Variants in PTBP3 observed in about 807,000 individuals in gnomAD.
PTBP3 encodes polypyrimidine tract binding protein 3, also known as polypyrimidine tract-binding protein 3.
Under a neutral mutation model 58.7 loss-of-function variants are expected in PTBP3, and 20 were observed. The observed-to-expected ratio is 0.34, with a 90% CI of 0.24 to 0.50. The LOEUF is 0.50. PTBP3 is among the 20% of genes least tolerant of loss of function. The pLI is 0.98. For missense variants in PTBP3, 509 were observed against 637.2 expected (o/e 0.80, Z 2.17); for synonymous variants, 185 against 219.8 (o/e 0.84, Z 1.40).
the PTBP3 span, among the ~76,000 whole-genome samples, chr9:112,371,951 C>T: frequency 6.6e-6 from 1 of 152,040 alleles, no homozygotes; most frequent in Non-Finnish European, 1.5e-5. Flanking sequence ...TGTTCTGTTG[C>T]TTGACCTGGT....
intron 1 of PTBP3, among the ~76,000 whole-genome samples, chr9:112,309,369 T>C (rs1237944240): frequency 6.6e-6 from 1 of 152,186 alleles, no homozygotes; most frequent in African/African-American, 2.4e-5. Context: ...TGATATGGAG[T>C]TTCACTATAC....
intron 2 of PTBP3, among the ~76,000 whole-genome samples, chr9:112,292,248 G>A (rs1304477172): frequency 1.3e-5 from 2 of 152,120 alleles, no homozygotes; most frequent in Non-Finnish European, 2.9e-5. Context: ...TGTTAGGATG[G>A]CCATTATTTG....
At chr9:112,307,933 A>G (rs1829295135) in intron 1 of PTBP3, among the ~76,000 whole-genome samples, 1 of 152,240 alleles carries the variant, frequency 6.6e-6, no homozygotes, top group Non-Finnish European at 1.5e-5. Context: ...TTCTTAAAAC[A>G]TTAAGATATT....
intron 12 of PTBP3, 86 bp downstream of exon 12, chr9:112,227,325 A>C: frequency 7.0e-7 from 1 of 1,428,858 alleles, no homozygotes; most frequent in South Asian, 1.2e-5. Flanking sequence ...CTAGGTTAGA[A>C]CAATTTCAGA....
chr9:112,223,520 T>TTGGG lies in PTBP3; in HGVS notation c.*330_*331insCCCA, dbSNP rs201604306. 5.5e-3 allele frequency: 5,247 copies of TTGGG among 955,036 alleles called. 65 individuals are homozygous for TTGGG. The highest frequency in any genetic ancestry group is 0.043 in the Admixed American group (854 of 19,694). 59.2% of individuals were successfully genotyped at this position (955,036 alleles called of 1,614,324 possible). A position where few individuals can be genotyped will look rare whatever the true frequency, so the allele number is the denominator to read the frequency against. On this transcript the variant is annotated 3_prime_UTR_variant, in exon 14 of 14. Coordinates refer to ENST00000374257, the MANE Select transcript of PTBP3 (RefSeq NM_001163788.4). ...GTTTAGAAATGTTGTATAAGGCTGATCTGGACCCAAACTAAAACAACGTTA... is the reference window on the plus strand; with the variant it reads ...GTTTAGAAATGTTGTATAAGGCTGATTGGGCTGGACCCAAACTAAAACAACGTTA...
chr9:112,302,453 A>G (rs2132336052), intron 1 of PTBP3, among the ~76,000 whole-genome samples: 1 of 152,288 alleles, frequency 6.6e-6, no homozygotes, highest in East Asian at 1.9e-4. Context: ...GAAAGAAGAA[A>G]TGTACAGGAA....
chr9:112,289,610 G>C (rs1400190421), intron 2 of PTBP3, among the ~76,000 whole-genome samples: 1 of 152,096 alleles, frequency 6.6e-6, no homozygotes, highest in Admixed American at 6.6e-5. Flanking sequence ...GGGAGACCCA[G>C]ACTCTACAAA....
chr9:112,332,983 G>C, intron 1 of PTBP3: 2 of 1,321,950 alleles, frequency 1.5e-6, no homozygotes, highest in Non-Finnish European at 1.9e-6. Flanking sequence ...CCGCCCAGAC[G>C]TGTACCGACG....
chr9:112,272,878 T>A (rs1376333657), intron 3 of PTBP3: 1 of 152,230 alleles, frequency 6.6e-6, no homozygotes, highest in Non-Finnish European at 1.5e-5. Context: ...TTTCAACTTA[T>A]GTATAAAACA....
Position 112,228,396 on chromosome 9 carries a change from T to G in PTBP3, c.1131A>C (p.Ala377=), listed in dbSNP as rs771639338. ...CATTAGTACCTAGCTGAGCTTGATT[T>G]GCATCCGCCATCTGAACCAAGGCAT... is the stretch of plus-strand genomic sequence containing the variant. ...KENALVQMAD[A]NQAQLAMNHL... Residue 377 remains alanine (A), a synonymous_variant, in exon 11 of 14, where the codon GCA becomes GCC. Coordinates refer to ENST00000374257, the MANE Select transcript of PTBP3 (RefSeq NM_001163788.4). 1 of 1,605,588 alleles carries G rather than the reference T, an allele frequency of 6.2e-7. No homozygotes were observed. The highest frequency in any genetic ancestry group is 8.5e-7 in the Non-Finnish European group (1 of 1,177,240).
the PTBP3 span, among the ~76,000 whole-genome samples, chr9:112,355,092 C>A: frequency 6.6e-6 from 1 of 152,000 alleles, no homozygotes; most frequent in African/African-American, 2.4e-5. Flanking sequence ...CCACACCCAC[C>A]GTGGATTTTC....
intron 9 of PTBP3, 26 bp downstream of exon 9, chr9:112,232,073 T>C: frequency 6.4e-7 from 1 of 1,567,758 alleles, no homozygotes; most frequent in Non-Finnish European, 8.6e-7. Flanking sequence ...TGAAAGACTA[T>C]TTACATATAA....
intron 5 of PTBP3, among the ~76,000 whole-genome samples, chr9:112,256,186 G>A (rs112414410): frequency 0.045 from 6,713 of 150,352 alleles, 273 homozygotes; most frequent in African/African-American, 0.095. Context: ...TCTGGGAGGT[G>A]GAGGTTGCAG....
chr9:112,358,810 A>G, the PTBP3 span, among the ~76,000 whole-genome samples: 1 of 152,156 alleles, frequency 6.6e-6, no homozygotes, highest in Admixed American at 6.5e-5. Context: ...TTTGGAGTAC[A>G]TTCACAAAAA....
chr9:112,294,681 A>G (rs1828591564), intron 2 of PTBP3, among the ~76,000 whole-genome samples: 1 of 152,252 alleles, frequency 6.6e-6, no homozygotes, highest in African/African-American at 2.4e-5. Flanking sequence ...ACAAGTTAAC[A>G]AAACAATCCA....
At chr9:112,300,839 G>T in intron 1 of PTBP3, among the ~76,000 whole-genome samples, 1 of 152,056 alleles carries the variant, frequency 6.6e-6, no homozygotes, top group Non-Finnish European at 1.5e-5. Context: ...GCTCACACCT[G>T]TATTCCCAGC....
the PTBP3 span, among the ~76,000 whole-genome samples, chr9:112,368,142 G>A: frequency 6.6e-5 from 10 of 152,216 alleles, no homozygotes; most frequent in African/African-American, 1.9e-4. Flanking sequence ...CTACAGGCAT[G>A]CACCACCATG....
upstream of PTBP3, among the ~76,000 whole-genome samples, chr9:112,334,804 A>G (rs1365333098): frequency 6.6e-6 from 1 of 152,228 alleles, no homozygotes; most frequent in African/African-American, 2.4e-5. Flanking sequence ...CAAGAAAATC[A>G]GGTTCCAGCC....
intron 1 of PTBP3, among the ~76,000 whole-genome samples, chr9:112,308,365 A>C (rs1426806799): frequency 8.6e-5 from 13 of 151,714 alleles, no homozygotes; most frequent in Admixed American, 2.0e-4. Flanking sequence ...AAAAAAAAAA[A>C]AAAAAAAAAA....
Sources: allele counts gnomAD v4.1 joint callset (sites outside exome capture counted in the v4.1 genomes callset), GRCh38; gene constraint gnomAD v4.1.1; transcripts MANE v1.5; gene names NCBI Gene and HGNC (gene_info 2026-07-23, HGNC 2026-07-21).